Variants in NBAS observed in about 807,000 individuals in gnomAD.
NBAS encodes the protein NAG/BC035112 fusion.
Under a neutral mutation model 302.5 loss-of-function variants are expected in NBAS, and 219 were observed. The ratio of observed to expected loss-of-function variants is 0.72; its 90% confidence interval spans 0.65 to 0.81. The LOEUF (loss-of-function observed/expected upper bound fraction) is 0.81. Ranked by LOEUF, NBAS falls within the 30% of genes least tolerant of loss-of-function variation. NBAS has a pLI of 0.00. For missense variants in NBAS, 2,932 were observed against 2,841.6 expected (o/e 1.03, Z -0.72); for synonymous variants, 1,118 against 1,021.6 (o/e 1.09, Z -1.80).
chr2:15,301,561 G>C (rs536219759), intron 40 of NBAS, among the ~76,000 whole-genome samples: 1 of 152,220 alleles, frequency 6.6e-6, no homozygotes, highest in Admixed American at 6.5e-5. Context: ...TGGAGACAGC[G>C]CCAGATCTGA....
chr2:15,270,747 T>C (rs1289080241), intron 44 of NBAS, among the ~76,000 whole-genome samples: 3 of 152,200 alleles, frequency 2.0e-5, no homozygotes, highest in Non-Finnish European at 4.4e-5. Flanking sequence ...AAAATTCTTT[T>C]ACTGTATAAT....
chr2:15,463,390 G>A (rs1454543184), intron 19 of NBAS, among the ~76,000 whole-genome samples: 1 of 152,102 alleles, frequency 6.6e-6, no homozygotes, highest in African/African-American at 2.4e-5. Context: ...AAAAGACACT[G>A]TATGAAACAC....
chr2:14,787,500 C>T, the NBAS span, among the ~76,000 whole-genome samples: 1 of 152,144 alleles, frequency 6.6e-6, no homozygotes, highest in Non-Finnish European at 1.5e-5. Context: ...TTCAGGAGCT[C>T]TTTTAGGGCA....
At chr2:14,958,937 G>A in the NBAS span, among the ~76,000 whole-genome samples, 1 of 152,204 alleles carries the variant, frequency 6.6e-6, no homozygotes, top group Non-Finnish European at 1.5e-5. Flanking sequence ...AAGGAAGACT[G>A]GGGATTGCAG....
At chr2:15,132,907 T>C in the NBAS span, among the ~76,000 whole-genome samples, 3 of 151,638 alleles carry the variant, frequency 2.0e-5, no homozygotes, top group Admixed American at 2.0e-4. Context: ...CATGGTTGCC[T>C]CTGGATAGTG....
At chr2:15,486,777 T>C (rs188985276) in intron 12 of NBAS, among the ~76,000 whole-genome samples, 2 of 152,188 alleles carry the variant, frequency 1.3e-5, no homozygotes, top group East Asian at 3.9e-4. Context: ...ATCTAATCAA[T>C]GAATTATATT....
chr2:15,172,595 C>G (rs375370525), intron 51 of NBAS, among the ~76,000 whole-genome samples: 9 of 152,294 alleles, frequency 5.9e-5, no homozygotes, highest in African/African-American at 1.7e-4. Flanking sequence ...CTTTTAACAA[C>G]ATTTGACTTT....
At chr2:15,491,551 A>G (rs751665260) in intron 11 of NBAS, among the ~76,000 whole-genome samples, 6 of 152,166 alleles carry the variant, frequency 3.9e-5, no homozygotes, top group Non-Finnish European at 8.8e-5. Context: ...CCTGGCTAAC[A>G]CAGTGAAACC....
At chr2:15,116,986 T>C in the NBAS span, among the ~76,000 whole-genome samples, 2 of 152,174 alleles carry the variant, frequency 1.3e-5, no homozygotes, top group Admixed American at 1.3e-4. Context: ...TCTCTCCTAC[T>C]TCCCTTTTCC....
chr2:15,046,420 C>T, the NBAS span, among the ~76,000 whole-genome samples: 1 of 152,070 alleles, frequency 6.6e-6, no homozygotes, highest in Non-Finnish European at 1.5e-5. Context: ...TCATTGTACA[C>T]ACATAATTAT....
chr2:15,017,954 T>C, the NBAS span, among the ~76,000 whole-genome samples: 36 of 152,054 alleles, frequency 2.4e-4, no homozygotes, highest in African/African-American at 8.2e-4. Flanking sequence ...TGAATATTAT[T>C]TAGCCATTAA....
At chr2:14,861,064 C>T in the NBAS span, among the ~76,000 whole-genome samples, 2 of 152,156 alleles carry the variant, frequency 1.3e-5, no homozygotes, top group Non-Finnish European at 2.9e-5. Context: ...CTCTTTATTA[C>T]ATCTAAATGA....
chr2:14,884,110 C>A, the NBAS span, among the ~76,000 whole-genome samples: 1 of 152,110 alleles, frequency 6.6e-6, no homozygotes, highest in East Asian at 1.9e-4. Context: ...CAGAGATTCC[C>A]TTAGGATGCA....
the NBAS span, among the ~76,000 whole-genome samples, chr2:14,800,960 G>A: frequency 6.6e-6 from 1 of 151,734 alleles, no homozygotes; most frequent in Non-Finnish European, 1.5e-5. Context: ...TTTAGCTTTT[G>A]TATGGTTAGG....
the NBAS span, among the ~76,000 whole-genome samples, chr2:14,807,909 T>A: frequency 6.6e-6 from 1 of 152,184 alleles, no homozygotes; most frequent in Non-Finnish European, 1.5e-5. Context: ...GCTATCCCTC[T>A]CTGTCTCTCT....
rs749325279 is a variant in NBAS, at chr2:15,352,064, C to T, written c.4107G>A (p.Val1369=). The T allele has an allele frequency of 1.2e-6, 2 of 1,609,932 alleles. No homozygotes were observed. The highest frequency in any genetic ancestry group is 1.7e-6 in the Non-Finnish European group (2 of 1,176,438). ...CTCCTTCATGATGGATCTGGAAATT[C>T]ACTCTTTGATAAAGAATCTAAAACA... ...SLQTEILYQR[V]NFQIHHEGGE... Residue 1369 remains valine (V), a synonymous_variant, in exon 35 of 52, where the codon GTG becomes GTA. Coordinates refer to ENST00000281513, the MANE Select transcript of NBAS (RefSeq NM_015909.4).
intron 40 of NBAS, among the ~76,000 whole-genome samples, chr2:15,294,963 T>C (rs1161934131): frequency 6.6e-6 from 1 of 152,240 alleles, no homozygotes; most frequent in African/African-American, 2.4e-5. Context: ...TCTCTGCGTA[T>C]AACTCCATGT....
intron 19 of NBAS, among the ~76,000 whole-genome samples, chr2:15,465,311 C>T (rs1005251968): frequency 3.3e-5 from 5 of 152,144 alleles, no homozygotes; most frequent in African/African-American, 1.2e-4. Flanking sequence ...TTGTGAAAGG[C>T]CAGCTATTAC....
the NBAS span, among the ~76,000 whole-genome samples, chr2:14,785,730 T>A: frequency 6.6e-6 from 1 of 152,226 alleles, no homozygotes; most frequent in African/African-American, 2.4e-5. Context: ...GCCAGTATTT[T>A]ATTGAGGATT....
Sources: allele counts gnomAD v4.1 joint callset (sites outside exome capture counted in the v4.1 genomes callset), GRCh38; gene constraint gnomAD v4.1.1; transcripts MANE v1.5; gene names NCBI Gene and HGNC (gene_info 2026-07-23, HGNC 2026-07-21).